Variants in ADCY1 observed in about 807,000 individuals in gnomAD.
The protein encoded by ADCY1 is adenylate cyclase type 1.
In ADCY1, 28 loss-of-function variants were observed where a neutral mutation model predicts 105.4. The ratio of observed to expected loss-of-function variants is 0.27; its 90% CI spans 0.20 to 0.36. The LOEUF is 0.36. ADCY1 is among the 10% of genes least tolerant of loss of function. ADCY1 has a pLI of 1.00. For synonymous variants in ADCY1, 655 were observed against 623.8 expected, an observed-to-expected ratio of 1.05 and a Z score of -0.75; for missense variants, 977 against 1,434.2, an observed-to-expected ratio of 0.68 and a Z score of 5.15.
At chr7:45,678,714 C>CA (rs35743607) in intron 10 of ADCY1, among the ~76,000 whole-genome samples, 33,445 of 96,238 alleles carry the variant, frequency 0.35, 4,849 homozygotes, top group East Asian at 0.43. Context: ...ACTCTATCTA[C>CA]AAAAAAAAAA....
At chr7:45,633,021 G>A (rs2115979931) in intron 4 of ADCY1, among the ~76,000 whole-genome samples, 1 of 152,188 alleles carries the variant, frequency 6.6e-6, no homozygotes, top group South Asian at 2.1e-4. Context: ...AGGTTCAAGT[G>A]ATTCTCCTAC....
chr7:45,664,244 A>G (rs183576701), intron 8 of ADCY1: 6 of 1,519,470 alleles, frequency 3.9e-6, no homozygotes, highest in East Asian at 2.5e-5. Context: ...TTGGTCAAGC[A>G]GAGAAGCTGT....
At chr7:45,695,936 G>A (rs1784871782) in intron 14 of ADCY1, among the ~76,000 whole-genome samples, 1 of 152,230 alleles carries the variant, frequency 6.6e-6, no homozygotes. Context: ...CTTCTCAAGA[G>A]TGTGGAAAAT....
chr7:45,611,014 G>C, intron 3 of ADCY1, among the ~76,000 whole-genome samples: 2 of 150,994 alleles, frequency 1.3e-5, no homozygotes, highest in Non-Finnish European at 2.9e-5. Context: ...TGGTGGTGGA[G>C]GTGTGGAGGT....
At chr7:45,610,742 A>AGGTGATGGTGGAGGTGAAAG (rs1554318219) in intron 3 of ADCY1, among the ~76,000 whole-genome samples, 5 of 45,902 alleles carry the variant, frequency 1.1e-4, no homozygotes, top group African/African-American at 2.5e-4. Context: ...GGAGGTGGGG[A>AGGTGATGGTGGAGGTGAAAG]GGTGATGATG....
chr7:45,630,430 T>C (rs907889078), intron 4 of ADCY1, among the ~76,000 whole-genome samples: 1 of 152,236 alleles, frequency 6.6e-6, no homozygotes, highest in African/African-American at 2.4e-5. Flanking sequence ...GAGAGCAGTT[T>C]TGGAGGCCCG....
At position 45,686,793 on chromosome 7, in the gene ADCY1, C is replaced by A; in HGVS notation, c.2454+120C>A. 7.2e-7 allele frequency: 1 copy of A among 1,383,056 alleles called. No individual in the cohort carries two copies. The highest frequency in any genetic ancestry group is 9.6e-7 in the Non-Finnish European group (1 of 1,042,858). 85.7% of individuals were successfully genotyped at this position (1,383,056 alleles called of 1,614,324 possible). A position where few individuals can be genotyped will look rare whatever the true frequency, so the allele number is the denominator to read the frequency against. The stretch of plus-strand genomic sequence containing the variant: ...CACGCCGTATGGCCCTCGGAGGGCC[C>A]TCCTCAGCAGCATGCAAGCCAGGCA... On this transcript the variant is annotated intron_variant, in intron 14 of 19. Coordinates refer to ENST00000297323, the MANE Select transcript of ADCY1 (RefSeq NM_021116.4). This position sits in a 1 kb window ranked among gnomAD's most constrained non-coding sequence, Gnocchi z 4.3.
At chr7:45,657,065 G>A (rs1248875768) in intron 5 of ADCY1, among the ~76,000 whole-genome samples, 1 of 152,230 alleles carries the variant, frequency 6.6e-6, no homozygotes, top group East Asian at 1.9e-4. Context: ...CACCTGCTCT[G>A]CCTCTTTTCC....
intron 3 of ADCY1, among the ~76,000 whole-genome samples, chr7:45,622,298 C>G (rs934848509): frequency 6.6e-6 from 1 of 152,100 alleles, no homozygotes; most frequent in Non-Finnish European, 1.5e-5. Context: ...ATCCCAGTCA[C>G]GTAACCTCCC....
At chr7:45,622,098 C>A (rs1395442412) in intron 3 of ADCY1, among the ~76,000 whole-genome samples, 3 of 152,188 alleles carry the variant, frequency 2.0e-5, no homozygotes, top group African/African-American at 7.2e-5. Context: ...TTCCTGCTCT[C>A]ATTGCAGACT....
intron 4 of ADCY1, among the ~76,000 whole-genome samples, chr7:45,629,668 G>A (rs563161286): frequency 1.5e-4 from 23 of 152,266 alleles, no homozygotes; most frequent in South Asian, 6.2e-4. Context: ...ACAGGCGCCC[G>A]CCACTGCGCC....
chr7:45,600,112 C>T (rs1562681682), intron 2 of ADCY1, among the ~76,000 whole-genome samples: 1 of 152,340 alleles, frequency 6.6e-6, no homozygotes, highest in South Asian at 2.1e-4. Flanking sequence ...CCTGAGCCCA[C>T]CAGGGCCCAC....
intron 19 of ADCY1, among the ~76,000 whole-genome samples, chr7:45,711,528 G>C (rs1785229709): frequency 6.7e-6 from 1 of 148,846 alleles, no homozygotes; most frequent in Non-Finnish European, 1.5e-5. Flanking sequence ...CTTTTTTCTA[G>C]GTGTACGGTT....
chr7:45,711,818 G>T (rs1785244716), intron 19 of ADCY1, among the ~76,000 whole-genome samples: 1 of 71,054 alleles, frequency 1.4e-5, no homozygotes, highest in African/African-American at 4.3e-5. Context: ...TTTTTACAAT[G>T]TACTTTTAAA....
intron 1 of ADCY1, among the ~76,000 whole-genome samples, chr7:45,577,749 C>T (rs2115693218): frequency 1.3e-5 from 2 of 152,304 alleles, no homozygotes; most frequent in East Asian, 3.9e-4. Flanking sequence ...GATGCTGCTT[C>T]AGAGTCTGAG....
chr7:45,716,032 T>C lies in ADCY1; in HGVS notation c.*2037T>C, dbSNP rs1262669286. The C allele has an allele frequency of 6.6e-6, 1 of 152,574 alleles. No homozygotes were observed. Among genetic ancestry groups the C allele is most frequent in the Non-Finnish European group, 1.5e-5 (1 of 68,386 alleles). 9.5% of individuals were successfully genotyped at this position (152,574 alleles called of 1,614,324 possible). The stretch of plus-strand genomic sequence containing the variant: ...GACCCCATGGACCCACTGGAGACTT[T>C]GAGGGCAGAGCTCGGGCACCTTTCA... On this transcript the variant is annotated 3_prime_UTR_variant, in exon 20 of 20. Transcript: ENST00000297323.
At position 45,708,781 on chromosome 7, in the gene ADCY1, C is replaced by G. The variant is rs977806050; in HGVS notation, c.2932+317C>G. ...GAAGTAAAATGCCCTTTTCCCTGTT[C>G]GCCAGCCACGGCTACATAGTTGAGG... On this transcript the variant is annotated intron_variant, in intron 18 of 19. Coordinates refer to ENST00000297323, the MANE Select transcript of ADCY1 (RefSeq NM_021116.4). This position sits in a 1 kb window ranked among gnomAD's most constrained non-coding sequence, Gnocchi z 4.7. Among the ~76,000 whole-genome samples the G allele has an allele frequency of 6.6e-6, 1 of 152,180 alleles. No homozygotes were observed. The highest frequency in any genetic ancestry group is 1.5e-5 in the Non-Finnish European group (1 of 68,036).
intron 3 of ADCY1, among the ~76,000 whole-genome samples, chr7:45,617,768 A>G (rs1584273978): frequency 6.6e-6 from 1 of 152,250 alleles, no homozygotes; most frequent in South Asian, 2.1e-4. Flanking sequence ...TTTCACATTC[A>G]TGGATTGGAA....
intron 4 of ADCY1, among the ~76,000 whole-genome samples, chr7:45,632,725 A>G (rs1794291785): frequency 1.3e-5 from 2 of 151,306 alleles, no homozygotes; most frequent in Admixed American, 1.3e-4. Context: ...CACCATGCCC[A>G]GCTAATTTTT....
Sources: gnomAD v4.1 joint callset for allele counts (sites outside exome capture counted in the v4.1 genomes callset) on GRCh38, gnomAD v4.1.1 for gene constraint, Gnocchi (gnomAD v3.1) non-coding constraint, MANE v1.5 for transcripts, NCBI Gene and HGNC (gene_info 2026-07-23, HGNC 2026-07-21) for gene names.